Variants in PKIB observed in about 807,000 individuals in gnomAD.
PKIB encodes cAMP-dependent protein kinase inhibitor beta, also known as PKI-beta.
Under a neutral mutation model 4.5 loss-of-function variants are expected in PKIB, and 2 were observed. That is an observed-to-expected ratio of 0.44 (90% CI 0.18 to 1.39). The LOEUF (loss-of-function observed/expected upper bound fraction) is 1.39, where lower values mean the gene tolerates loss of function less well. PKIB is among the 40% of genes most tolerant of loss of function. The pLI, the probability that PKIB is intolerant of heterozygous loss-of-function variation, is 0.27. For synonymous variants in PKIB, 38 were observed against 36.0 expected (o/e 1.06, Z -0.20); for missense variants, 94 against 92.6 (o/e 1.02, Z -0.06).
intron 2 of PKIB, among the ~76,000 whole-genome samples, chr6:122,674,707 T>A (rs754004309): frequency 6.6e-6 from 1 of 152,168 alleles, no homozygotes; most frequent in Admixed American, 6.5e-5. Flanking sequence ...AAAGGTGGTA[T>A]CATGCCAAAT....
intron 4 of PKIB, among the ~76,000 whole-genome samples, chr6:122,723,285 A>G (rs1183459794): frequency 6.6e-6 from 1 of 152,128 alleles, no homozygotes; most frequent in Non-Finnish European, 1.5e-5. Flanking sequence ...CTCATATACT[A>G]ATTGCCTAAT....
At chr6:122,618,983 A>C (rs1482544687) in intron 1 of PKIB, among the ~76,000 whole-genome samples, 1 of 152,142 alleles carries the variant, frequency 6.6e-6, no homozygotes, top group Non-Finnish European at 1.5e-5. Context: ...TTTAGAAATC[A>C]GTGGGAAAAT....
rs1582742442 is a variant in PKIB at position 122,617,522 on chromosome 6, G to A, written c.-161+6987G>A. ...AAAAATAAACCTTTCAGTATTCAGT[G>A]AAACACTGGAGGAAACAAAACATTG... On this transcript the variant is annotated intron_variant, in intron 1 of 4. Transcript: ENST00000368452. Among the ~76,000 whole-genome samples the A allele has an allele frequency of 3.3e-5, 5 of 152,264 alleles. No individual in the cohort carries two copies. The South Asian group carries it at 1.0e-3, about 32-fold the overall frequency.
chr6:122,653,190 G>A (rs965841030), intron 2 of PKIB, among the ~76,000 whole-genome samples: 3 of 152,152 alleles, frequency 2.0e-5, no homozygotes, highest in South Asian at 2.1e-4. Context: ...TGTTTAAAAT[G>A]TACTAAAAAG....
At chr6:122,703,043 A>G (rs911451893) in intron 3 of PKIB, among the ~76,000 whole-genome samples, 2 of 152,160 alleles carry the variant, frequency 1.3e-5, no homozygotes, top group African/African-American at 4.8e-5. Context: ...ATTGTGCAAT[A>G]ATGTGCTACA....
intron 1 of PKIB, among the ~76,000 whole-genome samples, chr6:122,619,013 TTTGA>T (rs1399335220): frequency 2.0e-5 from 3 of 152,274 alleles, no homozygotes; most frequent in East Asian, 3.9e-4. Flanking sequence ...TTTGTATTTC[TTTGA>T]TTGGTAGTGA....
chr6:122,703,949 G>T lies in PKIB; in HGVS notation c.-8-13838G>T, dbSNP rs1363291924. Among the ~76,000 whole-genome samples, 548 of 106,612 alleles carry T rather than the reference G, an allele frequency of 5.1e-3. 12 individuals carry two copies. The East Asian group carries it at 0.056, about 11-fold the overall frequency. 69.9% of individuals were successfully genotyped at this position (106,612 alleles called of 152,430 possible). On this transcript the variant is annotated intron_variant, in intron 3 of 4. Coordinates refer to ENST00000368452, the MANE Select transcript of PKIB (RefSeq NM_181795.3). ...ATATATATATATATATATAGAGAGA[G>T]AGAGAGAGAGAGAGAGAGAGAGAGA...
At chr6:122,657,958 C>A (rs1022287060) in intron 2 of PKIB, among the ~76,000 whole-genome samples, 3 of 152,196 alleles carry the variant, frequency 2.0e-5, no homozygotes, top group Non-Finnish European at 2.9e-5. Flanking sequence ...CTCACAAATT[C>A]TAATTTTCTG....
At chr6:122,668,191 A>T (rs939403712) in intron 2 of PKIB, among the ~76,000 whole-genome samples, 1 of 152,204 alleles carries the variant, frequency 6.6e-6, no homozygotes, top group Admixed American at 6.6e-5. Context: ...GTCATTAAGT[A>T]AAAAAATGAC....
At chr6:122,579,990 G>A (rs1433441492) in intron 2 of PKIB, among the ~76,000 whole-genome samples, 1 of 151,976 alleles carries the variant, frequency 6.6e-6, no homozygotes, top group East Asian at 1.9e-4. Context: ...AGGTCTTAAG[G>A]TGCTTTCTAT....
chr6:122,702,770 TTTTTTTC>T (rs1307477628), intron 3 of PKIB, among the ~76,000 whole-genome samples: 3 of 152,172 alleles, frequency 2.0e-5, no homozygotes, highest in Non-Finnish European at 4.4e-5. Context: ...TCGTAGAGAA[TTTTTTTC>T]ACTATTTGAG....
At chr6:122,475,061 G>T (rs1353983186) in intron 1 of PKIB, among the ~76,000 whole-genome samples, 1 of 152,050 alleles carries the variant, frequency 6.6e-6, no homozygotes, top group Non-Finnish European at 1.5e-5. Flanking sequence ...TGAGACGTAG[G>T]CTTGCTCTAT....
At chr6:122,696,697 A>G (rs1400349157) in intron 3 of PKIB, among the ~76,000 whole-genome samples, 2 of 152,182 alleles carry the variant, frequency 1.3e-5, no homozygotes, top group Non-Finnish European at 2.9e-5. Context: ...TAAAGTCCAG[A>G]GATGTAACAA....
intron 2 of PKIB, among the ~76,000 whole-genome samples, chr6:122,648,976 C>T (rs1359560543): frequency 6.6e-6 from 1 of 152,152 alleles, no homozygotes; most frequent in Admixed American, 6.5e-5. Context: ...GTTCACAAGC[C>T]CTCTGGTCAA....
chr6:122,652,351 T>A (rs1776596028), intron 2 of PKIB, among the ~76,000 whole-genome samples: 2 of 151,080 alleles, frequency 1.3e-5, no homozygotes, highest in Non-Finnish European at 2.9e-5. Context: ...GAGAGATTTA[T>A]TGAAAAGAAT....
intron 2 of PKIB, among the ~76,000 whole-genome samples, chr6:122,561,900 G>C (rs1448690761): frequency 6.6e-6 from 1 of 150,648 alleles, no homozygotes; most frequent in African/African-American, 2.4e-5. Context: ...TGGAGATTTT[G>C]GCCAATTACA....
intron 2 of PKIB, among the ~76,000 whole-genome samples, chr6:122,519,941 G>T (rs1776884415): frequency 6.6e-6 from 1 of 152,136 alleles, no homozygotes; most frequent in Non-Finnish European, 1.5e-5. Context: ...GCTTTTCACT[G>T]AACTGTTGGC....
intron 3 of PKIB, among the ~76,000 whole-genome samples, chr6:122,687,590 C>T (rs1345314486): frequency 6.6e-6 from 1 of 152,090 alleles, no homozygotes; most frequent in Non-Finnish European, 1.5e-5. Context: ...ATTGATTCTT[C>T]CAATCCACGA....
intron 2 of PKIB, among the ~76,000 whole-genome samples, chr6:122,549,372 A>G (rs906572779): frequency 1.3e-5 from 2 of 152,210 alleles, no homozygotes; most frequent in African/African-American, 4.8e-5. Context: ...TTTCTTTTAG[A>G]CAATTGAATT....
Sources: allele counts gnomAD v4.1 joint callset (sites outside exome capture counted in the v4.1 genomes callset), GRCh38; gene constraint gnomAD v4.1.1; transcripts MANE v1.5; gene names NCBI Gene and HGNC (gene_info 2026-07-23, HGNC 2026-07-21).